The following EIF3A variants were observed in gnomAD, a reference collection of about 807,000 sequenced individuals.
EIF3A encodes EIF3, p180 subunit.
EIF3A carries 21 observed loss-of-function variants against 186.6 expected under a neutral mutation model. The ratio of observed to expected loss-of-function variants is 0.11; its 90% CI spans 0.08 to 0.16. The LOEUF (loss-of-function observed/expected upper bound fraction) is 0.16, where lower values mean the gene tolerates loss of function less well. Ranked by LOEUF, EIF3A falls within the 10% of genes least tolerant of loss-of-function variation. The probability of loss-of-function intolerance (pLI) is 1.00; values close to 1 mark genes in which losing one functional copy is unlikely to be tolerated. For missense variants in EIF3A, 1,306 were observed against 1,796.3 expected (o/e 0.73, Z 4.93); for synonymous variants, 563 against 584.3 (o/e 0.96, Z 0.52).
At chr10:119,080,389 G>A in intron 1 of EIF3A, 1 of 985,462 alleles carries the variant, frequency 1.0e-6, no homozygotes, top group East Asian at 1.1e-4. Flanking sequence ...CCCGGAGGCG[G>A]CAGGGGGAAG....
chr10:119,057,811 T>C (rs1384944215), intron 12 of EIF3A, 145 bp downstream of exon 12: 8 of 662,426 alleles, frequency 1.2e-5, no homozygotes, highest in Non-Finnish European at 2.1e-5. Flanking sequence ...AATAAACATA[T>C]GCTTACTCAC....
chr10:119,070,169 A>G (rs1192995242), intron 5 of EIF3A, among the ~76,000 whole-genome samples: 1 of 152,242 alleles, frequency 6.6e-6, no homozygotes, highest in East Asian at 1.9e-4. Flanking sequence ...TTCTTCCTCT[A>G]TAATTTCAAT....
At chr10:119,047,715 T>C (rs989802522) in intron 17 of EIF3A, among the ~76,000 whole-genome samples, 3 of 152,174 alleles carry the variant, frequency 2.0e-5, no homozygotes, top group Non-Finnish European at 2.9e-5. Context: ...GGAAAATGTA[T>C]TCTTAAATTC....
In EIF3A at chr10:119,069,513, T is replaced by C; in HGVS notation, c.883A>G (p.Thr295Ala). Reference sequence around the variant, plus strand: ...GAGAGATGGTAAAGACGATGGAGTGTAGATGCATGAAAAAGAGCATTTCCA... The same window carrying C: ...GAGAGATGGTAAAGACGATGGAGTGCAGATGCATGAAAAAGAGCATTTCCA... ...KSGNALFHAS[T>A]LHRLYHLSRE... is the part of the protein sequence containing the mutation. The change falls in exon 6 of 22, where the codon ACA becomes GCA. Residue 295 changes from threonine (T) to alanine (A), a missense_variant. Coordinates refer to ENST00000369144, the MANE Select transcript of EIF3A (RefSeq NM_003750.4). The C allele has an allele frequency of 1.9e-6, 3 of 1,590,598 alleles. No individual in the cohort carries two copies. The highest frequency in any genetic ancestry group is 2.6e-6 in the Non-Finnish European group (3 of 1,158,520).
chr10:119,047,172 G>GCCTC (rs1161599377), intron 17 of EIF3A, among the ~76,000 whole-genome samples: 4 of 152,160 alleles, frequency 2.6e-5, no homozygotes, highest in Non-Finnish European at 5.9e-5. Context: ...GGAGGCTGAG[G>GCCTC]CAGGAGAATT....
intron 7 of EIF3A, among the ~76,000 whole-genome samples, chr10:119,064,604 A>C (rs957276968): frequency 6.6e-6 from 1 of 152,092 alleles, no homozygotes; most frequent in Non-Finnish European, 1.5e-5. Context: ...AATTTTCCTG[A>C]GGTCTCCCCA....
rs142475279 is a variant in EIF3A at position 119,058,182 on chromosome 10, C to T, written c.1751G>A (p.Ser584Asn). Residue 584 changes from serine (S) to asparagine (N), a missense_variant, in exon 12 of 22, where the codon AGT (serine) becomes AAT (asparagine). Ser to Asn is a conservative substitution (Grantham distance 46). Around this residue, in one of 8 missense-constraint regions of EIF3A, gnomAD observed 94 missense variants for 204.9 expected, o/e 0.46. Transcript: ENST00000369144. ...TTCTTTCTCACGCTGAATATTCAGA[C>T]TCTCAAGGCGCTCTTTTCTCTCCTC... ...TIEERKERLE[S>N]LNIQREKEEL... The T allele has an allele frequency of 6.2e-6, 10 of 1,614,116 alleles. No homozygotes were observed. In the Admixed American group the frequency reaches 1.7e-4, roughly 27 times the overall value.
rs1341851184 is a variant in EIF3A, at chr10:119,034,511, A to C, written c.*1528T>G. 3.3e-5 allele frequency: 5 copies of C among 152,220 alleles called. No individual in the cohort carries two copies. Among genetic ancestry groups the C allele is most frequent in the Non-Finnish European group, 7.3e-5 (5 of 68,040 alleles). 9.4% of individuals were successfully genotyped at this position (152,220 alleles called of 1,614,324 possible). ...TGAAAGAAAAGTCCTTCTCCCCACG[A>C]AAGACCTTTAAAGACTTCTACGTAT... On this transcript the variant is annotated 3_prime_UTR_variant, in exon 22 of 22. Coordinates refer to ENST00000369144, the MANE Select transcript of EIF3A (RefSeq NM_003750.4).
intron 1 of EIF3A, among the ~76,000 whole-genome samples, chr10:119,080,228 TACTCCCCGGC>T (rs1390865824): frequency 1.3e-5 from 2 of 152,092 alleles, no homozygotes; most frequent in Non-Finnish European, 2.9e-5. Flanking sequence ...CCATGTTTCT[TACTCCCCGGC>T]ACTCCCAGAT....
At position 119,059,820 on chromosome 10, in the gene EIF3A, A is replaced by G. The variant is rs1843854551; in HGVS notation, c.1327-102T>C. 23 of 804,282 alleles carry G rather than the reference A, an allele frequency of 2.9e-5. No homozygotes were observed. In the South Asian group the frequency reaches 3.2e-4, roughly 11 times the overall value. 49.8% of individuals were successfully genotyped at this position (804,282 alleles called of 1,614,324 possible). ...ATGGGAAGTAGAAATTATGCCAGAG[A>G]ATTTATGTTAGCAGTACATTGTTAA... On this transcript the variant is annotated intron_variant, in intron 9 of 21. Transcript: ENST00000369144.
At chr10:119,053,036 C>G (rs1848379350) in intron 14 of EIF3A, among the ~76,000 whole-genome samples, 2 of 152,216 alleles carry the variant, frequency 1.3e-5, no homozygotes, top group African/African-American at 4.8e-5. Flanking sequence ...ATTAATCTCT[C>G]TTATACATCA....
chr10:119,075,395 C>T (rs1025325798), intron 1 of EIF3A, among the ~76,000 whole-genome samples: 1 of 151,800 alleles, frequency 6.6e-6, no homozygotes, highest in African/African-American at 2.4e-5. Flanking sequence ...ATACCTTTGC[C>T]ATTACATTAT....
chr10:119,037,971 C>T (rs1179755305), intron 20 of EIF3A, among the ~76,000 whole-genome samples: 1 of 126,076 alleles, frequency 7.9e-6, no homozygotes, highest in Non-Finnish European at 1.6e-5. Flanking sequence ...GGCTGGAGTG[C>T]AATGGCGCTA....
rs1438413737 is a variant in EIF3A, at chr10:119,033,711, T to C, written c.*2328A>G. 2.4e-5 allele frequency: 4 copies of C among 166,850 alleles called. No homozygotes were observed. The highest frequency in any genetic ancestry group is 7.2e-5 in the African/African-American group (3 of 41,460). The allele number at this position is 166,850 out of a possible 1,614,324, so 10.3% of individuals were successfully genotyped here. ...ATTTATTAAACCAAAATTATACATA[T>C]TAAAATTATATCACAAATATATATG... On this transcript the variant is annotated 3_prime_UTR_variant, in exon 22 of 22. Coordinates refer to ENST00000369144, the MANE Select transcript of EIF3A (RefSeq NM_003750.4).
chr10:119,076,235 A>C (rs888264471), intron 1 of EIF3A, among the ~76,000 whole-genome samples: 2 of 150,800 alleles, frequency 1.3e-5, no homozygotes, highest in African/African-American at 4.9e-5. Flanking sequence ...TGGGAGGCTG[A>C]GGCAAGACAA....
intron 1 of EIF3A, among the ~76,000 whole-genome samples, chr10:119,077,494 A>C (rs1016085534): frequency 6.6e-6 from 1 of 152,106 alleles, no homozygotes; most frequent in African/African-American, 2.4e-5. Flanking sequence ...ATTTTTCATA[A>C]TCCATGACAG....
intron 18 of EIF3A, among the ~76,000 whole-genome samples, chr10:119,043,377 T>C (rs2119817849): frequency 6.6e-6 from 1 of 152,236 alleles, no homozygotes; most frequent in African/African-American, 2.4e-5. Flanking sequence ...AGGCGGAGGC[T>C]GCAGTGAGCC....
At position 119,042,183 on chromosome 10, in the gene EIF3A, A is replaced by T. The variant is rs746516522; in HGVS notation, c.3337T>A (p.Leu1113Met). The T allele has an allele frequency of 6.9e-6, 11 of 1,587,214 alleles. No homozygotes were observed. Among genetic ancestry groups the T allele is most frequent in the Non-Finnish European group, 6.8e-6 (8 of 1,170,074 alleles). ...MDDDRGPRRG[L>M]DDDRGPWRNA... is the part of the protein sequence containing the mutation. ...CTCCAAGGTCCTCGATCATCATCCA[A>T]CCCTCGCCTGGGACCCCGGTCATCA... The change falls in exon 19 of 22, where the codon TTG becomes ATG. Residue 1113 changes from leucine (L) to methionine (M), a missense_variant. Physicochemically the swap from Leu to Met is conservative, Grantham distance 15. Transcript: ENST00000369144. This position sits in a 1 kb window ranked among gnomAD's most constrained non-coding sequence, Gnocchi z 7.8.
intron 7 of EIF3A, among the ~76,000 whole-genome samples, chr10:119,063,043 C>T (rs993180845): frequency 6.6e-6 from 1 of 151,986 alleles, no homozygotes. Flanking sequence ...CGTGAGCCAC[C>T]GCGCCTAGCC....
Sources: allele counts gnomAD v4.1 joint callset (sites outside exome capture counted in the v4.1 genomes callset), GRCh38; gene constraint gnomAD v4.1.1; regional missense constraint gnomAD v4.1.1; non-coding constraint Gnocchi (gnomAD v3.1); transcripts MANE v1.5; gene names NCBI Gene and HGNC (gene_info 2026-07-23, HGNC 2026-07-21).